Variants in CFAP206 observed in about 807,000 individuals in gnomAD.
CFAP206 encodes the protein cilia- and flagella-associated protein 206.
Under a neutral mutation model 65.4 loss-of-function variants are expected in CFAP206, and 53 were observed. That is an observed-to-expected ratio of 0.81 (90% CI 0.65 to 1.02). CFAP206 has a LOEUF of 1.02. CFAP206 is among the 50% of genes least tolerant of loss of function. CFAP206 has a pLI of 0.00. For synonymous variants in CFAP206, 250 were observed against 254.4 expected (o/e 0.98, Z 0.17); for missense variants, 663 against 753.2 (o/e 0.88, Z 1.40).
rs1490668184 is a variant in CFAP206 at position 87,453,644 on chromosome 6, CAAT to C, written c.1495-7377_1495-7375del. ...TCAGTTTTTTCTTTGCTTGTTTTTG[CAAT>C]CAGAGTTAAGTTTTCATCAGTTTAA... On this transcript the variant is annotated intron_variant, in intron 11 of 12. Transcript: ENST00000369562. Among the ~76,000 whole-genome samples the C allele has an allele frequency of 1.2e-4, 18 of 152,048 alleles. No homozygotes were observed. The East Asian group carries it at 3.5e-3, about 29-fold the overall frequency.
chr6:87,427,360 T>C (rs893259109), intron 8 of CFAP206, among the ~76,000 whole-genome samples: 9 of 152,124 alleles, frequency 5.9e-5, no homozygotes, highest in African/African-American at 2.2e-4. Flanking sequence ...AGGATGGTCT[T>C]GATCTCCTGA....
intron 3 of CFAP206, 129 bp downstream of exon 3, chr6:87,410,797 T>C: frequency 1.4e-6 from 1 of 691,168 alleles, no homozygotes; most frequent in Admixed American, 2.8e-5. Context: ...ACACGAGATA[T>C]TTTTCTCATA....
At position 87,413,832 on chromosome 6, in the gene CFAP206, A is replaced by C. The variant is rs751951635; in HGVS notation, c.215A>C (p.Asp72Ala). ...TAGCTTTGTATGACTCGGCTATTGGATACTAAAAATCCATCCCTGGACACT... is the reference window on the plus strand; with the variant it reads ...TAGCTTTGTATGACTCGGCTATTGGCTACTAAAAATCCATCCCTGGACACT... ...LVKLCMTRLL[D>A]TKNPSLDTIK... Residue 72 changes from aspartate (D) to alanine (A), a missense_variant, in exon 4 of 13, where the codon GAT becomes GCT. Transcript: ENST00000369562. 12 of 1,569,084 alleles carry C rather than the reference A, an allele frequency of 7.6e-6. No homozygotes were observed. The highest frequency in any genetic ancestry group is 1.0e-5 in the Non-Finnish European group (12 of 1,162,794).
intron 7 of CFAP206, among the ~76,000 whole-genome samples, chr6:87,423,504 C>G (rs909001861): frequency 6.6e-6 from 1 of 152,216 alleles, no homozygotes; most frequent in African/African-American, 2.4e-5. Flanking sequence ...CCGCCTCCGC[C>G]TCCCAAAGTG....
At chr6:87,411,921 G>C (rs945182874) in intron 3 of CFAP206, among the ~76,000 whole-genome samples, 1 of 152,198 alleles carries the variant, frequency 6.6e-6, no homozygotes, top group African/African-American at 2.4e-5. Context: ...AACAGATATT[G>C]GTGAGGATGC....
intron 11 of CFAP206, among the ~76,000 whole-genome samples, chr6:87,457,357 A>C (rs1768665366): frequency 6.6e-6 from 1 of 152,170 alleles, no homozygotes; most frequent in South Asian, 2.1e-4. Context: ...CTGAATAGCC[A>C]AAGCCATCCT....
intron 12 of CFAP206, 58 bp from the exon 13 acceptor site, chr6:87,463,962 A>G (rs544948667): frequency 7.2e-7 from 1 of 1,389,960 alleles, no homozygotes; most frequent in East Asian, 2.4e-5. Flanking sequence ...ATCTGATAAT[A>G]TTTTATGTTA....
intron 11 of CFAP206, among the ~76,000 whole-genome samples, chr6:87,452,445 A>G (rs1450166798): frequency 1.3e-5 from 2 of 152,204 alleles, no homozygotes; most frequent in Non-Finnish European, 2.9e-5. Context: ...AGAAGCATCA[A>G]GACCATCCAG....
chr6:87,449,537 G>A (rs1768506053), intron 11 of CFAP206, among the ~76,000 whole-genome samples: 2 of 151,660 alleles, frequency 1.3e-5, no homozygotes, highest in South Asian at 4.1e-4. Context: ...TAACTGGAAT[G>A]AGATGATAGC....
At chr6:87,438,200 C>T (rs540013518) in intron 11 of CFAP206, among the ~76,000 whole-genome samples, 253 of 152,170 alleles carry the variant, frequency 1.7e-3, no homozygotes, top group Middle Eastern at 0.014. Context: ...TGGTGGCTCA[C>T]GCCTGTAATC....
At chr6:87,463,099 G>A (rs1157569724) in intron 12 of CFAP206, among the ~76,000 whole-genome samples, 1 of 152,160 alleles carries the variant, frequency 6.6e-6, no homozygotes, top group Non-Finnish European at 1.5e-5. Flanking sequence ...GCATTGGTGG[G>A]AATAGCAAGA....
chr6:87,450,988 G>A (rs886375632), intron 11 of CFAP206, among the ~76,000 whole-genome samples: 2 of 152,184 alleles, frequency 1.3e-5, no homozygotes. Context: ...TGCCCATGGC[G>A]GGAGCATTTA....
chr6:87,413,276 C>A (rs1767768581), intron 3 of CFAP206, among the ~76,000 whole-genome samples: 1 of 152,178 alleles, frequency 6.6e-6, no homozygotes, highest in Non-Finnish European at 1.5e-5. Context: ...CACATACACA[C>A]AATGGAGTTT....
intron 11 of CFAP206, among the ~76,000 whole-genome samples, chr6:87,453,582 G>A (rs556661661): frequency 1.5e-4 from 23 of 152,270 alleles, no homozygotes; most frequent in Middle Eastern, 3.4e-3. Flanking sequence ...AGAAGCGGCA[G>A]TGGCTGGCTG....
chr6:87,432,455 T>C (rs1768176259), intron 10 of CFAP206, among the ~76,000 whole-genome samples: 2 of 151,978 alleles, frequency 1.3e-5, no homozygotes, highest in African/African-American at 4.8e-5. Flanking sequence ...CCTCTCTCCC[T>C]CCCCTCCTGC....
intron 7 of CFAP206, among the ~76,000 whole-genome samples, chr6:87,420,676 C>T (rs1475299579): frequency 2.0e-5 from 3 of 152,144 alleles, no homozygotes; most frequent in Non-Finnish European, 2.9e-5. Flanking sequence ...TTATGATTAT[C>T]ATCATCATCA....
At chr6:87,411,421 T>G (rs1365845030) in intron 3 of CFAP206, among the ~76,000 whole-genome samples, 2 of 152,240 alleles carry the variant, frequency 1.3e-5, no homozygotes, top group Non-Finnish European at 2.9e-5. Flanking sequence ...TCGTAGATCC[T>G]GAATATTAGT....
chr6:87,424,316 G>C (rs982706581), intron 7 of CFAP206, among the ~76,000 whole-genome samples: 1 of 151,988 alleles, frequency 6.6e-6, no homozygotes, highest in Admixed American at 6.5e-5. Context: ...GTCTCGCTCT[G>C]TTGCCCAAGC....
Position 87,464,086 on chromosome 6 carries a change from T to C in CFAP206, c.1705T>C (p.Cys569Arg), listed in dbSNP as rs1768785751. 3.7e-6 allele frequency: 6 copies of C among 1,614,162 alleles called. No individual in the cohort carries two copies. In the East Asian group the frequency reaches 1.3e-4, roughly 36 times the overall value. ...TDLSHLRRENCSQVYPPKDTS... is the reference protein window; with the variant it reads ...TDLSHLRRENRSQVYPPKDTS... ...TCTTAGTCACTTGAGAAGAGAAAAT[T>C]GTTCCCAAGTGTACCCTCCAAAGGA... is the stretch of plus-strand genomic sequence containing the variant. Residue 569 changes from cysteine (C) to arginine (R), a missense_variant, in exon 13 of 13, where the codon TGT becomes CGT. By Grantham distance (180) the Cys-to-Arg change is radical. Coordinates refer to ENST00000369562, the MANE Select transcript of CFAP206 (RefSeq NM_001031743.3).
Sources: allele counts gnomAD v4.1 joint callset (sites outside exome capture counted in the v4.1 genomes callset), GRCh38; gene constraint gnomAD v4.1.1; transcripts MANE v1.5; gene names NCBI Gene and HGNC (gene_info 2026-07-23, HGNC 2026-07-21).